Variants in PHC3 observed in about 807,000 individuals in gnomAD.
PHC3 encodes polyhomeotic-like protein 3.
Under a neutral mutation model 107.4 loss-of-function variants are expected in PHC3, and 13 were observed. The ratio of observed to expected loss-of-function variants is 0.12; its 90% CI spans 0.08 to 0.19. PHC3 has a LOEUF of 0.19. Ranked by LOEUF, PHC3 falls within the 10% of genes least tolerant of loss-of-function variation. The pLI is 1.00. For missense variants in PHC3, 992 were observed against 1,210.9 expected (o/e 0.82, Z 2.68); for synonymous variants, 456 against 427.4 (o/e 1.07, Z -0.83).
intron 9 of PHC3, among the ~76,000 whole-genome samples, chr3:170,119,430 C>A (rs976449109): frequency 2.6e-5 from 4 of 152,142 alleles, no homozygotes; most frequent in African/African-American, 9.7e-5. Context: ...ATATCTAGAT[C>A]ATGTGCATAA....
chr3:170,126,528 A>ATATATTTT (rs370421296), intron 8 of PHC3, among the ~76,000 whole-genome samples: 20 of 90,620 alleles, frequency 2.2e-4, no homozygotes, highest in African/African-American at 6.3e-4. Context: ...ATATATATAT[A>ATATATTTT]TTTTTTTTTT....
intron 7 of PHC3, among the ~76,000 whole-genome samples, chr3:170,132,346 C>A (rs1722392196): frequency 6.6e-6 from 1 of 152,136 alleles, no homozygotes; most frequent in Non-Finnish European, 1.5e-5. Context: ...CTATTAAGGA[C>A]AGCATTAGGT....
At chr3:170,105,567 TAATTTAATACATTC>T (rs1396159951) in intron 12 of PHC3, among the ~76,000 whole-genome samples, 2 of 152,214 alleles carry the variant, frequency 1.3e-5, no homozygotes, top group Non-Finnish European at 2.9e-5. Context: ...GTATGTGTGA[TAATTTAATACATTC>T]ATATAATCTG....
intron 14 of PHC3, among the ~76,000 whole-genome samples, chr3:170,100,594 T>C (rs1291575216): frequency 6.6e-6 from 1 of 152,220 alleles, no homozygotes; most frequent in Admixed American, 6.5e-5. Context: ...TGATATATAA[T>C]GTTTTCTAAA....
rs2108272513 is a variant in PHC3, at chr3:170,102,925, A to C, written c.2478T>G (p.Val826=). 6.2e-7 allele frequency: 1 copy of C among 1,611,958 alleles called. No individual in the cohort carries two copies. The highest frequency in any genetic ancestry group is 1.3e-5 in the African/African-American group (1 of 75,028). ...CTMSCAKRYN[V]SCSKKFALSR... ...TAAGTGCAAATTTTTTAGAACAGCT[A>C]ACATTGTACCTAAGAAATTCAAGAA... is the stretch of plus-strand genomic sequence containing the variant. Residue 826 remains valine, a synonymous_variant, in exon 13 of 15, where the codon GTT becomes GTG. Transcript: ENST00000495893.
intron 6 of PHC3, among the ~76,000 whole-genome samples, chr3:170,142,773 T>C (rs1336814742): frequency 6.6e-6 from 1 of 152,196 alleles, no homozygotes; most frequent in Non-Finnish European, 1.5e-5. Context: ...AAAATCTTAG[T>C]TGGAACAAAG....
At chr3:170,111,505 G>A (rs982810221) in intron 11 of PHC3, among the ~76,000 whole-genome samples, 1 of 152,072 alleles carries the variant, frequency 6.6e-6, no homozygotes, top group Non-Finnish European at 1.5e-5. Context: ...AATGGAGGAA[G>A]GAAACAAAAT....
chr3:170,088,276 G>A lies in PHC3; in HGVS notation c.*8954C>T, dbSNP rs1023829798. 3.6e-4 allele frequency: 54 copies of A among 152,098 alleles called. No homozygotes were observed. The highest frequency in any genetic ancestry group is 1.2e-3 in the African/African-American group (50 of 41,420). 9.4% of individuals were successfully genotyped at this position (152,098 alleles called of 1,614,324 possible). A position where few individuals can be genotyped will look rare whatever the true frequency, so the allele number is the denominator to read the frequency against. On this transcript the variant is annotated 3_prime_UTR_variant, in exon 15 of 15. Coordinates refer to ENST00000495893, the MANE Select transcript of PHC3 (RefSeq NM_024947.4). ...TTTAGAACAATGGGAGGAACCAAAA[G>A]GGGAATTAAAAAATTGGTTAACGTG... is the stretch of plus-strand genomic sequence containing the variant.
At chr3:170,110,022 T>A (rs372505201) in intron 11 of PHC3, among the ~76,000 whole-genome samples, 2 of 152,138 alleles carry the variant, frequency 1.3e-5, no homozygotes, top group African/African-American at 4.8e-5. Flanking sequence ...TTCTCCCCTA[T>A]GAAATATATT....
intron 2 of PHC3, among the ~76,000 whole-genome samples, chr3:170,177,388 T>C (rs1730640874): frequency 6.6e-6 from 1 of 152,064 alleles, no homozygotes; most frequent in Admixed American, 6.5e-5. Flanking sequence ...TATTTTGAGA[T>C]GGAGTCTCAC....
chr3:170,159,251 CAA>C (rs1278767405), intron 4 of PHC3, among the ~76,000 whole-genome samples: 589 of 69,530 alleles, frequency 8.5e-3, no homozygotes, highest in African/African-American at 0.026. Context: ...GACTCGGTCT[CAA>C]AAAAAAAAAA....
chr3:170,179,733 T>C (rs1265832835), intron 1 of PHC3, among the ~76,000 whole-genome samples: 2 of 152,240 alleles, frequency 1.3e-5, no homozygotes, highest in African/African-American at 2.4e-5. Flanking sequence ...ATCTTACTTG[T>C]TGTGGTACAA....
intron 5 of PHC3, chr3:170,147,811 A>G (rs1725240818): frequency 6.6e-6 from 1 of 152,220 alleles, no homozygotes; most frequent in South Asian, 2.1e-4. Flanking sequence ...CAACACCCTG[A>G]AAGGACTAAA....
intron 7 of PHC3, 114 bp from the exon 8 acceptor site, chr3:170,129,666 T>A: frequency 8.8e-7 from 1 of 1,131,442 alleles, no homozygotes; most frequent in Non-Finnish European, 1.3e-6. Flanking sequence ...AGAATTCTAT[T>A]ACAAGTTTTC....
Position 170,093,518 on chromosome 3 carries a change from A to G in PHC3, c.*3712T>C, listed in dbSNP as rs1156347014. On this transcript the variant is annotated 3_prime_UTR_variant, in exon 15 of 15. Coordinates refer to ENST00000495893, the MANE Select transcript of PHC3 (RefSeq NM_024947.4). ...TATGGCTGTCAGGTCAGCATCACTC[A>G]CATACATCTATAATAGTGTATTCTT... 1 of 152,240 alleles carries G rather than the reference A, an allele frequency of 6.6e-6. No individual in the cohort carries two copies. Among genetic ancestry groups the G allele is most frequent in the African/African-American group, 2.4e-5 (1 of 41,472 alleles). 9.4% of individuals were successfully genotyped at this position (152,240 alleles called of 1,614,324 possible). A position where few individuals can be genotyped will look rare whatever the true frequency, so the allele number is the denominator to read the frequency against.
intron 6 of PHC3, among the ~76,000 whole-genome samples, chr3:170,137,071 C>G (rs1248739502): frequency 1.3e-5 from 2 of 152,130 alleles, no homozygotes; most frequent in Admixed American, 6.5e-5. Context: ...TACTCTGCAA[C>G]ATACTGCATT....
chr3:170,126,590 G>A (rs1368271735), intron 8 of PHC3, among the ~76,000 whole-genome samples: 8 of 144,978 alleles, frequency 5.5e-5, no homozygotes, highest in East Asian at 2.0e-4. Context: ...CACCCAGGCT[G>A]GAGTGCAGTG....
rs1719223436 is a variant in PHC3, at chr3:170,117,368, G to A, written c.2051C>T (p.Ala684Val). The change falls in exon 10 of 15, where the codon GCC (alanine) becomes GTC (valine). Residue 684 changes from alanine to valine, a missense_variant. Around this residue, in one of 6 missense-constraint regions of PHC3, gnomAD observed 543 missense variants for 590.8 expected, o/e 0.92. Coordinates refer to ENST00000495893, the MANE Select transcript of PHC3 (RefSeq NM_024947.4). ...AGATGTACTGTTACTCCTTGTGGTGGCAGCTGGAAGTAACAATGGAGGTGG... is the reference window on the plus strand; with the variant it reads ...AGATGTACTGTTACTCCTTGTGGTGACAGCTGGAAGTAACAATGGAGGTGG... ...VPPPPLLLPA[A>V]TTRSNSTSMH... 1 of 1,613,886 alleles carries A rather than the reference G, an allele frequency of 6.2e-7. No homozygotes were observed. Among genetic ancestry groups the A allele is most frequent in the Non-Finnish European group, 8.5e-7 (1 of 1,179,866 alleles).
chr3:170,149,302 AT>A (rs1359551853), intron 4 of PHC3, 58 bp from the exon 5 acceptor site: 1 of 1,513,988 alleles, frequency 6.6e-7, no homozygotes, highest in Non-Finnish European at 8.9e-7. Flanking sequence ...ATGTTACTGA[AT>A]TTCACACCGA....
Sources: allele counts gnomAD v4.1 joint callset (sites outside exome capture counted in the v4.1 genomes callset), GRCh38; gene constraint gnomAD v4.1.1; regional missense constraint gnomAD v4.1.1; transcripts MANE v1.5; gene names NCBI Gene and HGNC (gene_info 2026-07-23, HGNC 2026-07-21).